Variants in LTA observed in about 807,000 individuals in gnomAD.
LTA encodes lymphotoxin-alpha.
In LTA, 6 loss-of-function variants were observed where a neutral mutation model predicts 15.1. The ratio of observed to expected loss-of-function variants is 0.40; its 90% CI spans 0.22 to 0.78. The LOEUF is 0.78. Among genes scored for constraint, LTA ranks in the 30% least tolerant of loss-of-function variants. The pLI, the probability that LTA is intolerant of heterozygous loss-of-function variation, is 0.38. For missense variants in LTA, 173 were observed against 249.5 expected (o/e 0.69, Z 2.06); for synonymous variants, 87 against 107.3 (o/e 0.81, Z 1.17).
chr6:31,562,210 AC>A, the LTA span, among the ~76,000 whole-genome samples: 250 of 152,192 alleles, frequency 1.6e-3, no homozygotes, highest in Non-Finnish European at 1.7e-3. Flanking sequence ...GGGTTCAGGA[AC>A]TAGACGATTA....
In LTA at chr6:31,573,450, C is replaced by T; in HGVS notation, c.375C>T (p.Thr125=). The change falls in exon 4 of 4, where the codon ACC becomes ACT. Residue 125 remains threonine, a synonymous_variant. Transcript: ENST00000418386. The part of the protein sequence containing the change: ...FSGKAYSPKA[T]SSPLYLAHEV... ...GGAAAGCCTACTCTCCCAAGGCCAC[C>T]TCCTCCCCACTCTACCTGGCCCATG... The T allele has an allele frequency of 6.2e-7, 1 of 1,614,152 alleles. No homozygotes were observed. The highest frequency in any genetic ancestry group is 8.5e-7 in the Non-Finnish European group (1 of 1,180,016).
the LTA span, among the ~76,000 whole-genome samples, chr6:31,565,115 G>A: frequency 6.6e-6 from 1 of 152,136 alleles, no homozygotes; most frequent in Non-Finnish European, 1.5e-5. Flanking sequence ...AGAAAATAAC[G>A]ACCCCTCTCT....
chr6:31,566,863 C>T, the LTA span, among the ~76,000 whole-genome samples: 1 of 151,680 alleles, frequency 6.6e-6, no homozygotes, highest in African/African-American at 2.4e-5. Flanking sequence ...TCGTTTGAAC[C>T]CGGGCAGCAG....
At chr6:31,563,033 G>A in the LTA span, among the ~76,000 whole-genome samples, 4,293 of 151,634 alleles carry the variant, frequency 0.028, 66 homozygotes, top group South Asian at 0.053. Flanking sequence ...GGTGGCACAC[G>A]CCTGTAACCC....
upstream of LTA, among the ~76,000 whole-genome samples, chr6:31,570,078 C>T (rs568558093): frequency 7.1e-4 from 108 of 152,304 alleles, no homozygotes; most frequent in Middle Eastern, 6.8e-3. Flanking sequence ...GTCTTCATTT[C>T]TGAAGGCTCC....
At chr6:31,561,778 A>C in the LTA span, among the ~76,000 whole-genome samples, 1 of 152,190 alleles carries the variant, frequency 6.6e-6, no homozygotes, top group East Asian at 1.9e-4. Context: ...GCCTTCATAG[A>C]ACTTGCAGTC....
chr6:31,565,542 A>C, the LTA span, among the ~76,000 whole-genome samples: 2 of 152,318 alleles, frequency 1.3e-5, no homozygotes, highest in Admixed American at 1.3e-4. Flanking sequence ...GACCATGCCC[A>C]GGTTTCTTTC....
chr6:31,572,810 G>C lies in LTA; in HGVS notation c.68G>C (p.Gly23Ala), dbSNP rs767231682. 2 of 1,611,108 alleles carry C rather than the reference G, an allele frequency of 1.2e-6. No individual in the cohort carries two copies. Among genetic ancestry groups the C allele is most frequent in the South Asian group, 1.1e-5 (1 of 91,066 alleles). Residue 23 changes from glycine to alanine, a missense_variant, in exon 2 of 4, where the codon GGG (glycine) becomes GCG (alanine). Physicochemically the swap from Gly to Ala is moderately conservative, Grantham distance 60 (BLOSUM62 0). Transcript: ENST00000418386. ...ACCACCCTACACCTCCTCCTTCTGG[G>C]GCTGCTGCTGGTTCTGCTGCCTGGG... The part of the protein sequence containing the change: ...CGTTLHLLLL[G>A]LLLVLLPGAQ...
rs556799995 is a variant in LTA at position 31,572,766 on chromosome 6, C to T, written c.24C>T (p.Phe8=). 26 of 1,610,192 alleles carry T rather than the reference C, an allele frequency of 1.6e-5. No homozygotes were observed. The East Asian group carries it at 5.8e-4, about 36-fold the overall frequency. MTPPERL[F]LPRVCGTTLH... Reference sequence around the variant, plus strand: ...CCATGACACCACCTGAACGTCTCTTCCTCCCAAGGGTGTGTGGCACCACCC... The same window carrying T: ...CCATGACACCACCTGAACGTCTCTTTCTCCCAAGGGTGTGTGGCACCACCC... The change falls in exon 2 of 4, where the codon TTC becomes TTT. Residue 8 remains phenylalanine (F), a synonymous_variant. Coordinates refer to ENST00000418386, the MANE Select transcript of LTA (RefSeq NM_000595.4).
chr6:31,567,209 C>T (rs1327237509), upstream of LTA, among the ~76,000 whole-genome samples: 3 of 151,742 alleles, frequency 2.0e-5, no homozygotes, highest in East Asian at 1.9e-4. Context: ...GCAGGAGAAT[C>T]GCTTGAACCC....
At chr6:31,568,763 G>A (rs1453538117), upstream of LTA, among the ~76,000 whole-genome samples, 4 of 152,102 alleles carry the variant, frequency 2.6e-5, no homozygotes, top group Non-Finnish European at 5.9e-5. The surrounding 1 kb of genome is among the most constrained non-coding windows in gnomAD (Gnocchi z 4.1). Flanking sequence ...CTCCGAAACT[G>A]AGATTGAAAC....
At chr6:31,572,713 T>G in intron 1 of LTA, 21 bp from the exon 2 acceptor site, 1 of 1,556,418 alleles carries the variant, frequency 6.4e-7, no homozygotes, top group Non-Finnish European at 8.8e-7. Context: ...TGTCTCTCTC[T>G]CTCTCTCTCT....
In LTA at chr6:31,572,385, TGG is replaced by T. The variant is rs1770880235; in HGVS notation, c.-69_-68del. On this transcript the variant is annotated 5_prime_UTR_variant, in exon 1 of 4. Coordinates refer to ENST00000418386, the MANE Select transcript of LTA (RefSeq NM_000595.4). ...GCCCAGCAGTGTCCTGCCCTCTGCCTGGGCCTCGGTCCCTCCTGCACCTGCTG... is the reference window on the plus strand; with the variant it reads ...GCCCAGCAGTGTCCTGCCCTCTGCCTGCCTCGGTCCCTCCTGCACCTGCTG... 6 of 426,518 alleles carry T rather than the reference TGG, an allele frequency of 1.4e-5. No individual in the cohort carries two copies. The highest frequency in any genetic ancestry group is 2.5e-5 in the Non-Finnish European group (6 of 235,624). 26.4% of individuals were successfully genotyped at this position (426,518 alleles called of 1,614,324 possible).
chr6:31,573,029 C>T lies in LTA; in HGVS notation c.201C>T (p.Leu67=). 1 of 1,610,784 alleles carries T rather than the reference C, an allele frequency of 6.2e-7. No homozygotes were observed. Among genetic ancestry groups the T allele is most frequent in the Non-Finnish European group, 8.5e-7 (1 of 1,178,470 alleles). The stretch of plus-strand genomic sequence containing the variant: ...GCACCCTCAAACCTGCTGCTCACCT[C>T]ATTGGTAAACATCCACCTGACCTCC... ...AHSTLKPAAH[L]IGDPSKQNSL... is the part of the protein sequence containing the mutation. Residue 67 remains leucine, a synonymous_variant, in exon 3 of 4, where the codon CTC becomes CTT. Coordinates refer to ENST00000418386, the MANE Select transcript of LTA (RefSeq NM_000595.4).
At chr6:31,560,871 G>C in the LTA span, among the ~76,000 whole-genome samples, 2 of 152,172 alleles carry the variant, frequency 1.3e-5, no homozygotes, top group Non-Finnish European at 2.9e-5. Context: ...TTTAAACCCT[G>C]CTTCAAGCTT....
At chr6:31,567,968 A>G (rs1467085507), upstream of LTA, among the ~76,000 whole-genome samples, 1 of 151,964 alleles carries the variant, frequency 6.6e-6, no homozygotes, top group East Asian at 1.9e-4. Context: ...ATTTTTTGTC[A>G]TTTGGGTCTC....
rs1771010909 is a variant in LTA, at chr6:31,573,959, G to C, written c.*266G>C. On this transcript the variant is annotated 3_prime_UTR_variant, in exon 4 of 4. Transcript: ENST00000418386. ...ATTCCCAGCCCAAAGCTGTTGGTCTGTCCCACCAGCTAGGTGGGGCCTAGA... is the reference window on the plus strand; with the variant it reads ...ATTCCCAGCCCAAAGCTGTTGGTCTCTCCCACCAGCTAGGTGGGGCCTAGA... 3.1e-6 allele frequency: 2 copies of C among 650,670 alleles called. No individual in the cohort carries two copies. The highest frequency in any genetic ancestry group is 5.8e-5 in the East Asian group (2 of 34,464). The allele number at this position is 650,670 out of a possible 1,614,324, so 40.3% of individuals were successfully genotyped here. A position where few individuals can be genotyped will look rare whatever the true frequency, so the allele number is the denominator to read the frequency against.
chr6:31,561,984 T>C, the LTA span, among the ~76,000 whole-genome samples: 1 of 151,478 alleles, frequency 6.6e-6, no homozygotes, highest in Non-Finnish European at 1.5e-5. Context: ...CCCTTCCCAG[T>C]AGAGGTTGAG....
chr6:31,566,678 C>T, the LTA span, among the ~76,000 whole-genome samples: 1 of 146,950 alleles, frequency 6.8e-6, no homozygotes, highest in Non-Finnish European at 1.5e-5. Context: ...TGCGGTGTCT[C>T]ACGCCTGTAA....
Sources: allele counts gnomAD v4.1 joint callset (sites outside exome capture counted in the v4.1 genomes callset), GRCh38; gene constraint gnomAD v4.1.1; non-coding constraint Gnocchi (gnomAD v3.1); transcripts MANE v1.5; gene names NCBI Gene and HGNC (gene_info 2026-07-23, HGNC 2026-07-21).